The following CC2D2A variants were observed in gnomAD, a reference collection of about 807,000 sequenced individuals.
CC2D2A encodes coiled-coil and C2 domain-containing protein 2A.
In CC2D2A, 155 loss-of-function variants were observed where a neutral mutation model predicts 212.9. That is an observed-to-expected ratio of 0.73 (90% CI 0.64 to 0.83). The LOEUF (loss-of-function observed/expected upper bound fraction) is 0.83. Ranked by LOEUF, CC2D2A falls within the 40% of genes least tolerant of loss-of-function variation. The pLI is 0.00. For missense variants in CC2D2A, 1,856 were observed against 1,956.2 expected (o/e 0.95, Z 0.97); for synonymous variants, 667 against 686.5 (o/e 0.97, Z 0.44).
chr4:15,521,210 A>C (rs1177654060), intron 11 of CC2D2A, among the ~76,000 whole-genome samples: 3 of 152,178 alleles, frequency 2.0e-5, no homozygotes, highest in Non-Finnish European at 4.4e-5. Context: ...GAAAGAAGCA[A>C]AGGGGATTAA....
At chr4:15,564,603 TTGG>T (rs1719796717) in intron 24 of CC2D2A, among the ~76,000 whole-genome samples, 1 of 152,162 alleles carries the variant, frequency 6.6e-6, no homozygotes, top group Non-Finnish European at 1.5e-5. Context: ...GTTCCAGCCC[TTGG>T]TGTCTTTTCT....
chr4:15,590,647 A>G (rs1721061730), intron 33 of CC2D2A, among the ~76,000 whole-genome samples: 1 of 152,232 alleles, frequency 6.6e-6, no homozygotes, highest in Admixed American at 6.5e-5. Context: ...AGGTAACAGT[A>G]AAGTCACTAC....
chr4:15,470,582 A>G (rs1185848129), intron 1 of CC2D2A, among the ~76,000 whole-genome samples: 1 of 151,578 alleles, frequency 6.6e-6, no homozygotes, highest in Non-Finnish European at 1.5e-5. Flanking sequence ...AAAGTCAAAT[A>G]AGAAATATGT....
chr4:15,508,041 G>C (rs957748006), intron 6 of CC2D2A, among the ~76,000 whole-genome samples: 1 of 152,126 alleles, frequency 6.6e-6, no homozygotes, highest in Non-Finnish European at 1.5e-5. Context: ...AGAACTTGAG[G>C]CTTCTTCTTC....
At chr4:15,481,906 C>T (rs1714690895) in intron 4 of CC2D2A, 2 of 985,436 alleles carry the variant, frequency 2.0e-6, no homozygotes, top group Non-Finnish European at 2.4e-6. Flanking sequence ...GTTTCTGAGG[C>T]TCCTGGTGAC....
intron 4 of CC2D2A, among the ~76,000 whole-genome samples, chr4:15,499,712 G>A (rs147005306): frequency 1.5e-4 from 23 of 152,102 alleles, no homozygotes; most frequent in African/African-American, 3.4e-4. Flanking sequence ...TTTTATGTTC[G>A]TAAAAACTTA....
intron 32 of CC2D2A, among the ~76,000 whole-genome samples, chr4:15,588,934 T>A (rs1343747247): frequency 6.6e-6 from 1 of 151,706 alleles, no homozygotes; most frequent in Non-Finnish European, 1.5e-5. Flanking sequence ...ATTCTCATTG[T>A]AAAAATAGAA....
intron 24 of CC2D2A, among the ~76,000 whole-genome samples, chr4:15,567,025 G>A (rs1454166306): frequency 6.6e-6 from 1 of 152,062 alleles, no homozygotes; most frequent in Non-Finnish European, 1.5e-5. Context: ...ACTCATGCCT[G>A]TGATTCCAGC....
intron 17 of CC2D2A, among the ~76,000 whole-genome samples, chr4:15,542,490 TTG>T (rs1312529053): frequency 2.0e-5 from 3 of 152,232 alleles, no homozygotes; most frequent in Non-Finnish European, 4.4e-5. Flanking sequence ...GCTATTTTTG[TTG>T]TGTTTTCCCA....
At chr4:15,528,988 T>C (rs1034713143) in intron 13 of CC2D2A, among the ~76,000 whole-genome samples, 3 of 152,160 alleles carry the variant, frequency 2.0e-5, no homozygotes, top group Non-Finnish European at 2.9e-5. Flanking sequence ...CCCCAACTCA[T>C]AGAATGTTGA....
chr4:15,587,786 T>C (rs1016243471), intron 31 of CC2D2A, 30 bp from the exon 32 acceptor site: 2 of 1,213,822 alleles, frequency 1.6e-6, no homozygotes, highest in African/African-American at 1.5e-5. Flanking sequence ...CATTGAGTCA[T>C]ACAACATAAT....
Position 15,537,071 on chromosome 4 carries a change from G to A in CC2D2A, c.1759G>A (p.Val587Met), listed in dbSNP as rs1422143551. 19 of 1,613,258 alleles carry A rather than the reference G, an allele frequency of 1.2e-5. No individual in the cohort carries two copies. Among genetic ancestry groups the A allele is most frequent in the East Asian group, 2.2e-5 (1 of 44,872 alleles). The change falls in exon 15 of 37, where the codon GTG becomes ATG. Residue 587 changes from valine (V) to methionine (M), a missense_variant. By Grantham distance (21) the Val-to-Met change is conservative. Coordinates refer to ENST00000424120, the MANE Select transcript of CC2D2A (RefSeq NM_001378615.1). ...SLQQWKAWRKVQRAKKKKRKQ... is the reference protein window; with the variant it reads ...SLQQWKAWRKMQRAKKKKRKQ... ...ACAACAGTGGAAGGCCTGGAGGAAA[G>A]TGCAAGTGTGTAAACAAACACTCAG... is the stretch of plus-strand genomic sequence containing the variant.
intron 33 of CC2D2A, among the ~76,000 whole-genome samples, chr4:15,595,383 A>C (rs1366133405): frequency 6.6e-6 from 1 of 152,236 alleles, no homozygotes; most frequent in Non-Finnish European, 1.5e-5. Context: ...ACACGAATAG[A>C]CAGGCAATTA....
intron 31 of CC2D2A, among the ~76,000 whole-genome samples, chr4:15,587,097 G>A (rs1720885847): frequency 6.6e-6 from 1 of 152,204 alleles, no homozygotes; most frequent in African/African-American, 2.4e-5. Context: ...ATCAGTCAGA[G>A]GTGGAGTCAG....
At chr4:15,575,654 T>C (rs1232193038) in intron 29 of CC2D2A, among the ~76,000 whole-genome samples, 2 of 152,246 alleles carry the variant, frequency 1.3e-5, no homozygotes, top group African/African-American at 4.8e-5. Context: ...TGCAATGCAC[T>C]GAAATTTAAA....
intron 17 of CC2D2A, among the ~76,000 whole-genome samples, chr4:15,548,388 T>C (rs1216678408): frequency 2.6e-5 from 4 of 152,114 alleles, no homozygotes; most frequent in Non-Finnish European, 5.9e-5. Context: ...TTATGTTTTA[T>C]TGGTCATCAC....
intron 29 of CC2D2A, among the ~76,000 whole-genome samples, chr4:15,579,607 T>G (rs942038346): frequency 6.6e-6 from 1 of 152,168 alleles, no homozygotes; most frequent in African/African-American, 2.4e-5. Flanking sequence ...CCTGCACACT[T>G]AAAACCACCA....
At position 15,537,059 on chromosome 4, in the gene CC2D2A, G is replaced by T; in HGVS notation, c.1747G>T (p.Ala583Ser). 1 of 1,613,542 alleles carries T rather than the reference G, an allele frequency of 6.2e-7. No individual in the cohort carries two copies. The highest frequency in any genetic ancestry group is 1.1e-5 in the South Asian group (1 of 91,024). ...CAGAACGTCGTTACAACAGTGGAAG[G>T]CCTGGAGGAAAGTGCAAGTGTGTAA... Reference protein sequence around the residue: ...EYRTSLQQWKAWRKVQRAKKK... With the variant: ...EYRTSLQQWKSWRKVQRAKKK... Residue 583 changes from alanine (A) to serine (S), a missense_variant, in exon 15 of 37, where the codon GCC becomes TCC. By Grantham distance (99) the Ala-to-Ser change is moderately conservative. Transcript: ENST00000424120.
At chr4:15,496,558 A>T (rs890230673) in intron 4 of CC2D2A, among the ~76,000 whole-genome samples, 2 of 152,032 alleles carry the variant, frequency 1.3e-5, no homozygotes, top group Admixed American at 6.6e-5. Flanking sequence ...CTAGGAAGAG[A>T]GAAAGTCAAA....
Sources: gnomAD v4.1 joint callset for allele counts (sites outside exome capture counted in the v4.1 genomes callset) on GRCh38, gnomAD v4.1.1 for gene constraint, MANE v1.5 for transcripts, NCBI Gene and HGNC (gene_info 2026-07-23, HGNC 2026-07-21) for gene names.